The following TRABD2B variants were observed in gnomAD, a reference collection of about 807,000 sequenced individuals.
TRABD2B encodes the protein TraB domain containing 2B.
A neutral mutation model predicts 40.1 loss-of-function variants in TRABD2B; 14 were observed. The observed-to-expected ratio is 0.35, with a 90% confidence interval of 0.23 to 0.55. TRABD2B has a LOEUF of 0.55. Among genes scored for constraint, TRABD2B ranks in the 20% least tolerant of loss-of-function variants. The pLI, the probability that TRABD2B is intolerant of heterozygous loss-of-function variation, is 0.90. For synonymous variants in TRABD2B, 263 were observed against 277.0 expected (o/e 0.95, Z 0.50); for missense variants, 541 against 648.6 (o/e 0.83, Z 1.80).
intron 2 of TRABD2B, among the ~76,000 whole-genome samples, chr1:47,839,028 T>G (rs1285435300): frequency 1.3e-5 from 2 of 152,192 alleles, no homozygotes; most frequent in Non-Finnish European, 2.9e-5. Flanking sequence ...AGGCCATCAG[T>G]CCTGGTCCCC....
intron 2 of TRABD2B, among the ~76,000 whole-genome samples, chr1:47,850,847 G>A (rs1052696330): frequency 2.6e-5 from 4 of 152,082 alleles, no homozygotes; most frequent in Non-Finnish European, 4.4e-5. Context: ...CCACAGACTC[G>A]GGGGTTGGGA....
At chr1:47,965,194 C>A (rs1326534915) in intron 2 of TRABD2B, among the ~76,000 whole-genome samples, 1 of 11,664 alleles carries the variant, frequency 8.6e-5, no homozygotes, top group Non-Finnish European at 1.7e-4. Context: ...TCAGATTTGG[C>A]GGGGGGCGGG....
Position 47,857,626 on chromosome 1 carries a change from G to C in TRABD2B, c.667-56007C>G, listed in dbSNP as rs570851645. ...AGCTGACCTCCTAGGGCAGCATTCT[G>C]ATCAACATCAGTTTCCCAGGGCCCT... is the stretch of plus-strand genomic sequence containing the variant. On this transcript the variant is annotated intron_variant, in intron 2 of 6. Coordinates refer to ENST00000606738, the MANE Select transcript of TRABD2B (RefSeq NM_001194986.2). 6.3e-4 allele frequency among the ~76,000 whole-genome samples: 96 copies of C among 152,236 alleles called. 1 individual carries two copies. The highest frequency in any genetic ancestry group is 2.3e-3 in the African/African-American group (95 of 41,538).
In TRABD2B at chr1:47,775,278, C is replaced by A; in HGVS notation, c.1241G>T (p.Ser414Ile). The A allele has an allele frequency of 7.9e-7, 1 of 1,258,196 alleles. No homozygotes were observed. The highest frequency in any genetic ancestry group is 1.0e-6 in the Non-Finnish European group (1 of 998,636). 77.9% of individuals were successfully genotyped at this position (1,258,196 alleles called of 1,614,324 possible). The change falls in exon 6 of 7, where the codon AGC becomes ATC. Residue 414 changes from serine to isoleucine, a missense_variant. Coordinates refer to ENST00000606738, the MANE Select transcript of TRABD2B (RefSeq NM_001194986.2). ...ALSPHLLLPD[S>I]LSQLEEFGRQ... ...GCCAAACTCCTCCAGCTGGCTGAGGCTGTCGGGGAGCAGGAGGTGTGGGGA... is the reference window on the plus strand; with the variant it reads ...GCCAAACTCCTCCAGCTGGCTGAGGATGTCGGGGAGCAGGAGGTGTGGGGA...
chr1:47,771,616 C>T (rs560104786), intron 6 of TRABD2B, among the ~76,000 whole-genome samples: 8 of 152,332 alleles, frequency 5.3e-5, no homozygotes, highest in African/African-American at 1.9e-4. Context: ...AGGAGTAGTA[C>T]AGGTCCCACG....
intron 2 of TRABD2B, among the ~76,000 whole-genome samples, chr1:47,853,412 G>A (rs1304927619): frequency 2.0e-5 from 3 of 152,040 alleles, no homozygotes; most frequent in East Asian, 3.9e-4. Context: ...TTTCCCAAAC[G>A]CACTCTGGGC....
chr1:47,828,609 T>A (rs1645208901), intron 2 of TRABD2B, among the ~76,000 whole-genome samples: 1 of 152,148 alleles, frequency 6.6e-6, no homozygotes, highest in Admixed American at 6.5e-5. Context: ...GAGGTATAAG[T>A]CCCTTTGGTC....
intron 2 of TRABD2B, among the ~76,000 whole-genome samples, chr1:47,917,100 G>A (rs1193427508): frequency 6.6e-6 from 1 of 152,214 alleles, no homozygotes; most frequent in Non-Finnish European, 1.5e-5. Context: ...ATGGTGTTCA[G>A]GTGTCATGGA....
At position 47,994,933 on chromosome 1, in the gene TRABD2B, AG is replaced by A; in HGVS notation, c.103-337del. On this transcript the variant is annotated intron_variant, in intron 1 of 6. Transcript: ENST00000606738. The surrounding 1 kb of genome is among the most constrained non-coding windows in gnomAD (Gnocchi z 6.7). ...GCCCTCAGAGCAGTGCCAGGTACAG[AG>A]GAAGTCAGCAATGAAGGGAAACTCT... Among the ~76,000 whole-genome samples the A allele has an allele frequency of 1.3e-5, 2 of 152,176 alleles. 1 individual carries two copies. Among genetic ancestry groups the A allele is most frequent in the Non-Finnish European group, 2.9e-5 (2 of 68,042 alleles).
At chr1:47,779,884 A>G (rs1406946121) in intron 4 of TRABD2B, among the ~76,000 whole-genome samples, 1 of 152,192 alleles carries the variant, frequency 6.6e-6, no homozygotes, top group African/African-American at 2.4e-5. Context: ...AGGGAGGTCT[A>G]GGAGAGTAGA....
chr1:47,972,442 C>T (rs1216832446), intron 2 of TRABD2B, among the ~76,000 whole-genome samples: 1 of 152,186 alleles, frequency 6.6e-6, no homozygotes, highest in Non-Finnish European at 1.5e-5. Context: ...GGAGATGGGG[C>T]CTCTGGGAGG....
Position 47,901,402 on chromosome 1 carries a change from G to T in TRABD2B, c.666+92632C>A, listed in dbSNP as rs1374237081. 2.0e-5 allele frequency among the ~76,000 whole-genome samples: 3 copies of T among 152,210 alleles called. No individual in the cohort carries two copies. The East Asian group carries it at 5.8e-4, about 29-fold the overall frequency. ...CCTTCCTAGGGAAGTCTGCTCAGGT[G>T]GGACCACAGGGAAGCTCTTGCTCAG... On this transcript the variant is annotated intron_variant, in intron 2 of 6. Coordinates refer to ENST00000606738, the MANE Select transcript of TRABD2B (RefSeq NM_001194986.2).
At chr1:47,812,738 G>A (rs56100041) in intron 2 of TRABD2B, among the ~76,000 whole-genome samples, 2,288 of 152,226 alleles carry the variant, frequency 0.015, 29 homozygotes, top group Non-Finnish European at 0.025. Context: ...AACAAAGAAA[G>A]AAAGAAAAAG....
chr1:47,854,129 T>G (rs1330076802), intron 2 of TRABD2B, among the ~76,000 whole-genome samples: 3 of 152,254 alleles, frequency 2.0e-5, no homozygotes, highest in African/African-American at 7.2e-5. Context: ...CTATGTCATT[T>G]TGGGCAGGCC....
intron 2 of TRABD2B, among the ~76,000 whole-genome samples, chr1:47,804,273 C>T (rs955712049): frequency 1.3e-5 from 2 of 152,204 alleles, no homozygotes; most frequent in African/African-American, 4.8e-5. Context: ...TGCAGGGTGT[C>T]GATGGCAGCA....
intron 6 of TRABD2B, 33 bp downstream of exon 6, chr1:47,775,137 A>G: frequency 8.1e-7 from 1 of 1,232,698 alleles, no homozygotes; most frequent in Non-Finnish European, 1.0e-6. Flanking sequence ...GCAGACGCCC[A>G]GCTCCTGGGC....
At chr1:47,807,803 G>T (rs2124325980) in intron 2 of TRABD2B, among the ~76,000 whole-genome samples, 1 of 152,310 alleles carries the variant, frequency 6.6e-6, no homozygotes, top group South Asian at 2.1e-4. Context: ...CAAAGACTTT[G>T]CATCCTCTTC....
intron 2 of TRABD2B, among the ~76,000 whole-genome samples, chr1:47,939,300 T>A (rs1370527857): frequency 6.6e-6 from 1 of 152,186 alleles, no homozygotes; most frequent in East Asian, 1.9e-4. Context: ...AGACATTCAA[T>A]GAGCAGGCTG....
intron 2 of TRABD2B, among the ~76,000 whole-genome samples, chr1:47,858,208 AT>A (rs1429410230): frequency 9.6e-3 from 16 of 1,668 alleles, no homozygotes; most frequent in African/African-American, 0.012. Flanking sequence ...ATTTTACTTT[AT>A]TTTATTTTAT....
Sources: gnomAD v4.1 joint callset for allele counts (sites outside exome capture counted in the v4.1 genomes callset) on GRCh38, gnomAD v4.1.1 for gene constraint, Gnocchi (gnomAD v3.1) non-coding constraint, MANE v1.5 for transcripts, NCBI Gene and HGNC (gene_info 2026-07-23, HGNC 2026-07-21) for gene names.